The following SMG6 variants were observed in gnomAD, a reference collection of about 807,000 sequenced individuals.
The protein encoded by SMG6 is telomerase-binding protein EST1A.
Under a neutral mutation model 142.2 loss-of-function variants are expected in SMG6, and 66 were observed. The observed-to-expected ratio is 0.46, with a 90% CI of 0.38 to 0.57. The LOEUF is 0.57. SMG6 is among the 20% of genes least tolerant of loss of function. SMG6 has a pLI of 0.00. For missense variants in SMG6, 1,793 were observed against 1,832.0 expected (o/e 0.98, Z 0.39); for synonymous variants, 779 against 702.4 (o/e 1.11, Z -1.72).
At chr17:2,259,270 A>C (rs2074260473) in intron 8 of SMG6, among the ~76,000 whole-genome samples, 1 of 152,150 alleles carries the variant, frequency 6.6e-6, no homozygotes, top group African/African-American at 2.4e-5. Context: ...TCCAGTCCAG[A>C]CAATACCATG....
intron 10 of SMG6, among the ~76,000 whole-genome samples, chr17:2,204,767 A>G (rs914266868): frequency 3.3e-5 from 5 of 152,202 alleles, no homozygotes; most frequent in Admixed American, 6.5e-5. Context: ...GTTCCTGGCC[A>G]GCCTAGGCAA....
In SMG6 at chr17:2,299,306, C is replaced by T; in HGVS notation, c.1447G>A (p.Val483Ile). 1 of 1,614,102 alleles carries T rather than the reference C, an allele frequency of 6.2e-7. No individual in the cohort carries two copies. The highest frequency in any genetic ancestry group is 8.5e-7 in the Non-Finnish European group (1 of 1,180,026). ...QLHFLDTDDE[V>I]SPTSWGDSRQ... ...GAGTCACCCCAAGATGTAGGGCTGA[C>T]TTCATCATCAGTGTCCAAGAAATGT... The change falls in exon 2 of 19, where the codon GTC becomes ATC. Residue 483 changes from valine to isoleucine, a missense_variant. Transcript: ENST00000263073. This position sits in a 1 kb window ranked among gnomAD's most constrained non-coding sequence, Gnocchi z 4.3.
At chr17:2,268,971 G>A (rs575022917) in intron 8 of SMG6, among the ~76,000 whole-genome samples, 107 of 150,634 alleles carry the variant, frequency 7.1e-4, no homozygotes, top group Non-Finnish European at 1.3e-3. Flanking sequence ...TTGGGAGGCC[G>A]AGGCGGGCAG....
chr17:2,087,423 C>G (rs1421368383), intron 13 of SMG6: 1 of 1,185,748 alleles, frequency 8.4e-7, no homozygotes. Context: ...AAGCCAACCC[C>G]GCTTTCCTAC....
chr17:2,147,516 C>G (rs1418716102), intron 13 of SMG6, among the ~76,000 whole-genome samples: 2 of 152,128 alleles, frequency 1.3e-5, no homozygotes. Context: ...GCAGGAGAAT[C>G]ACTTGAGCTC....
At chr17:2,088,113 C>T in intron 13 of SMG6, 1 of 985,424 alleles carries the variant, frequency 1.0e-6, no homozygotes, top group Non-Finnish European at 1.2e-6. Context: ...TACACTGGCA[C>T]CCCTGCTAAG....
At position 2,297,318 on chromosome 17, in the gene SMG6, C is replaced by T. The variant is rs762390067; in HGVS notation, c.2076G>A (p.Leu692=). 5.0e-6 allele frequency: 8 copies of T among 1,612,744 alleles called. No individual in the cohort carries two copies. Among genetic ancestry groups the T allele is most frequent in the Admixed American group, 1.7e-5 (1 of 59,804 alleles). Residue 692 remains leucine (L), a synonymous_variant, in exon 4 of 19, where the codon CTG becomes CTA. Transcript: ENST00000263073. The part of the protein sequence containing the change: ...SDFFDSLLQK[L]QVTYKFKLED... ...CCAGTTTGAACTTGTAAGTAACCTG[C>T]AGCTTCTGAAGCAAACTATCAAAGA...
At chr17:2,063,617 C>G (rs1454416803) in intron 18 of SMG6, among the ~76,000 whole-genome samples, 1 of 152,240 alleles carries the variant, frequency 6.6e-6, no homozygotes, top group Admixed American at 6.5e-5. Flanking sequence ...ACAAGGCCTT[C>G]AGCAATCCCG....
chr17:2,150,409 A>G (rs964678670), intron 13 of SMG6, among the ~76,000 whole-genome samples: 2 of 152,340 alleles, frequency 1.3e-5, no homozygotes, highest in African/African-American at 4.8e-5. Flanking sequence ...TGTGTTGAAC[A>G]GATGCTGTTG....
chr17:2,278,754 AT>A lies in SMG6; in HGVS notation c.2661+3892del, dbSNP rs549306728. Among the ~76,000 whole-genome samples the A allele has an allele frequency of 1.2e-4, 18 of 152,322 alleles. No homozygotes were observed. The East Asian group carries it at 3.5e-3, about 29-fold the overall frequency. ...TTACACATTCTGTGCACGTATAAAAATATCACATGTAGCCCATAAATATGTA... is the reference window on the plus strand; with the variant it reads ...TTACACATTCTGTGCACGTATAAAAAATCACATGTAGCCCATAAATATGTA... On this transcript the variant is annotated intron_variant, in intron 8 of 18. Coordinates refer to ENST00000263073, the MANE Select transcript of SMG6 (RefSeq NM_017575.5).
At chr17:2,183,574 G>A (rs1205257048) in intron 12 of SMG6, among the ~76,000 whole-genome samples, 1 of 152,164 alleles carries the variant, frequency 6.6e-6, no homozygotes, top group Admixed American at 6.5e-5. Context: ...GTGTAAACAA[G>A]TAAGCATGGT....
intron 6 of SMG6, among the ~76,000 whole-genome samples, chr17:2,286,768 T>G (rs910439551): frequency 6.6e-6 from 1 of 151,914 alleles, no homozygotes; most frequent in East Asian, 1.9e-4. Flanking sequence ...TCAGCAAAAT[T>G]AAAAAACACT....
chr17:2,302,472 C>T (rs2075303332), intron 1 of SMG6, among the ~76,000 whole-genome samples: 1 of 151,032 alleles, frequency 6.6e-6, no homozygotes, highest in Non-Finnish European at 1.5e-5. Context: ...ACCCGGGAGG[C>T]GGAGGTTGCA....
intron 10 of SMG6, among the ~76,000 whole-genome samples, chr17:2,222,116 C>A (rs2073186636): frequency 6.6e-6 from 1 of 152,128 alleles, no homozygotes; most frequent in Non-Finnish European, 1.5e-5. Context: ...TTTAGATGTT[C>A]ACAATGTATC....
chr17:2,133,280 GAAT>G (rs2070185402), intron 13 of SMG6, among the ~76,000 whole-genome samples: 1 of 152,024 alleles, frequency 6.6e-6, no homozygotes, highest in Admixed American at 6.6e-5. Context: ...AAAATTCTTA[GAAT>G]AATATCTAAG....
At chr17:2,233,185 A>T (rs1216241348) in intron 10 of SMG6, 1 of 152,218 alleles carries the variant, frequency 6.6e-6, no homozygotes, top group African/African-American at 2.4e-5. Context: ...TAGGCACCAC[A>T]TCTACAGGGA....
intron 1 of SMG6, chr17:2,303,421 T>TCTCCCGGAGCTGGCCAGGACTGGCC (rs2075332690): frequency 2.4e-6 from 3 of 1,257,506 alleles, no homozygotes. Context: ...CGGGCCAGGC[T>TCTCCCGGAGCTGGCCAGGACTGGCC]CTCCCGGAGC....
In SMG6 at chr17:2,148,007, T is replaced by C. The variant is rs559980961; in HGVS notation, c.3357+24651A>G. ...GAGTTCGACACCAGCCTGGGCAACA[T>C]GGTGAAACCCCATCTCTACCAAAAA... On this transcript the variant is annotated intron_variant, in intron 13 of 18. Coordinates refer to ENST00000263073, the MANE Select transcript of SMG6 (RefSeq NM_017575.5). Among the ~76,000 whole-genome samples, 10 of 152,082 alleles carry C rather than the reference T, an allele frequency of 6.6e-5. 1 individual carries two copies. In the South Asian group the frequency reaches 2.1e-3, roughly 32 times the overall value.
chr17:2,164,915 C>T (rs1293765510), intron 13 of SMG6, among the ~76,000 whole-genome samples: 3 of 151,102 alleles, frequency 2.0e-5, no homozygotes, highest in Non-Finnish European at 2.9e-5. Context: ...CCAGCGTGGG[C>T]GACAGAGCGA....
Sources: gnomAD v4.1 joint callset for allele counts (sites outside exome capture counted in the v4.1 genomes callset) on GRCh38, gnomAD v4.1.1 for gene constraint, Gnocchi (gnomAD v3.1) non-coding constraint, MANE v1.5 for transcripts, NCBI Gene and HGNC (gene_info 2026-07-23, HGNC 2026-07-21) for gene names.